The following PCLAF variants were observed in gnomAD, a reference collection of about 807,000 sequenced individuals.
PCLAF encodes PCNA clamp associated factor, also known as PCNA-associated factor.
Under a neutral mutation model 15.1 loss-of-function variants are expected in PCLAF, and 12 were observed. That is an observed-to-expected ratio of 0.79 (90% CI 0.51 to 1.29). PCLAF has a LOEUF of 1.29. Ranked by LOEUF, PCLAF falls within the 50% of genes most tolerant of loss-of-function variation. The pLI is 0.00. For missense variants in PCLAF, 116 were observed against 130.9 expected (o/e 0.89, Z 0.56); for synonymous variants, 33 against 47.1 (o/e 0.70, Z 1.22).
chr15:64,368,326 AC>A (rs1776864181), intron 3 of PCLAF, among the ~76,000 whole-genome samples: 1 of 152,184 alleles, frequency 6.6e-6, no homozygotes, highest in Non-Finnish European at 1.5e-5. Context: ...AGTAAAAAAA[AC>A]AAAAACAAAA....
At chr15:64,366,472 A>G (rs1899036866) in intron 3 of PCLAF, among the ~76,000 whole-genome samples, 1 of 152,250 alleles carries the variant, frequency 6.6e-6, no homozygotes, top group African/African-American at 2.4e-5. Context: ...TTAGCAGAGA[A>G]AACATATAGC....
chr15:64,371,556 G>A (rs143382111), intron 3 of PCLAF, among the ~76,000 whole-genome samples: 4 of 152,290 alleles, frequency 2.6e-5, no homozygotes, highest in Non-Finnish European at 4.4e-5. Flanking sequence ...ATGAGCCGCC[G>A]TGCCCAGCCC....
chr15:64,373,915 CA>C (rs773676536), intron 3 of PCLAF: 1 of 631,120 alleles, frequency 1.6e-6, no homozygotes, highest in Non-Finnish European at 2.3e-6. Context: ...TTATTAATTA[CA>C]AATCTATAAA....
intron 3 of PCLAF, among the ~76,000 whole-genome samples, chr15:64,367,278 T>C (rs1053465857): frequency 6.6e-6 from 1 of 151,408 alleles, no homozygotes; most frequent in East Asian, 2.0e-4. Flanking sequence ...CCGAGGCGGG[T>C]GGATCACCTG....
chr15:64,375,252 G>T (rs1899561487), intron 3 of PCLAF, among the ~76,000 whole-genome samples: 1 of 152,102 alleles, frequency 6.6e-6, no homozygotes, highest in African/African-American at 2.4e-5. Flanking sequence ...AGCCTCCCGA[G>T]TAGCTGAGAT....
At chr15:64,367,585 G>T (rs1484886280) in intron 3 of PCLAF, among the ~76,000 whole-genome samples, 1 of 151,564 alleles carries the variant, frequency 6.6e-6, no homozygotes, top group African/African-American at 2.4e-5. Context: ...GTCTCGCTCT[G>T]TCGCCAGGCT....
chr15:64,372,531 A>G (rs560183897), intron 3 of PCLAF, among the ~76,000 whole-genome samples: 1 of 152,266 alleles, frequency 6.6e-6, no homozygotes, highest in Admixed American at 6.5e-5. Flanking sequence ...GGAGAATGGC[A>G]TGAACCCAGG....
At chr15:64,376,956 T>G in intron 2 of PCLAF, 51 bp from the exon 3 acceptor site, 9 of 1,445,638 alleles carry the variant, frequency 6.2e-6, no homozygotes, top group Non-Finnish European at 8.6e-6. Context: ...ATACAATCTC[T>G]ATTCCTTAAA....
chr15:64,386,382 G>T (rs1260422498), upstream of PCLAF, among the ~76,000 whole-genome samples: 1 of 152,182 alleles, frequency 6.6e-6, no homozygotes, highest in Non-Finnish European at 1.5e-5. Context: ...GTGCAGTAGT[G>T]CAATCAGGGC....
rs1490370423 is a variant in PCLAF, at chr15:64,381,076, A to T, written c.47-38T>A. On this transcript the variant is annotated intron_variant, in intron 1 of 3. Coordinates refer to ENST00000300035, the MANE Select transcript of PCLAF (RefSeq NM_014736.6). ...GCAAAAAAGGGTGTTCAGAAGGGGC[A>T]GGAGGGTTCCGACACCGAGTCCTGG... The T allele has an allele frequency of 3.1e-6, 5 of 1,598,572 alleles. 1 individual carries two copies. The South Asian group carries it at 5.5e-5, about 18-fold the overall frequency.
intron 3 of PCLAF, chr15:64,373,896 G>T: frequency 1.3e-6 from 1 of 749,428 alleles, no homozygotes; most frequent in Non-Finnish European, 1.9e-6. Context: ...TGCTTAGAAA[G>T]CCTGGACCTT....
intron 3 of PCLAF, among the ~76,000 whole-genome samples, chr15:64,376,036 C>T (rs1211081296): frequency 6.6e-6 from 1 of 152,084 alleles, no homozygotes; most frequent in Admixed American, 6.6e-5. Flanking sequence ...ACCAGCCTGG[C>T]CAACAAGGCA....
intron 2 of PCLAF, among the ~76,000 whole-genome samples, chr15:64,378,593 T>A (rs1005120714): frequency 6.6e-6 from 1 of 152,142 alleles, no homozygotes; most frequent in African/African-American, 2.4e-5. Context: ...AAAGGAACCT[T>A]ACAGGAATGC....
chr15:64,377,442 A>C lies in PCLAF; in HGVS notation c.128-537T>G, dbSNP rs547472599. 3.6e-3 allele frequency among the ~76,000 whole-genome samples: 464 copies of C among 129,520 alleles called. 7 individuals carry two copies. Among genetic ancestry groups the C allele is most frequent in the Non-Finnish European group, 5.0e-3 (311 of 62,322 alleles). 85.0% of individuals were successfully genotyped at this position (129,520 alleles called of 152,430 possible). A position where few individuals can be genotyped will look rare whatever the true frequency, so the allele number is the denominator to read the frequency against. ...AGATTGCGCCGCCACTGCACACTCC[A>C]GTCTGGCAACAGAGCGAGACTCTGT... On this transcript the variant is annotated intron_variant, in intron 2 of 3. Transcript: ENST00000300035.
chr15:64,376,895 T>C lies in PCLAF; in HGVS notation c.138A>G (p.Lys46=), dbSNP rs775654036. 3 of 1,613,372 alleles carry C rather than the reference T, an allele frequency of 1.9e-6. No homozygotes were observed. The highest frequency in any genetic ancestry group is 2.5e-6 in the Non-Finnish European group (3 of 1,179,680). Residue 46 remains lysine, a synonymous_variant, in exon 3 of 4, where the codon AAA becomes AAG. Coordinates refer to ENST00000300035, the MANE Select transcript of PCLAF (RefSeq NM_014736.6). ...CGCAAACGGGGTTCCCTCCTGCATA[T>C]TTATTTTCAGCTGTAAAATATAAAC... The part of the protein sequence containing the change: ...TSVSSRKAEN[K]YAGGNPVCVR...
upstream of PCLAF, chr15:64,381,460 C>A: frequency 6.2e-7 from 1 of 1,612,026 alleles, no homozygotes; most frequent in Non-Finnish European, 8.5e-7. Flanking sequence ...ACTATCCCGC[C>A]ACAGTTTATA....
chr15:64,370,826 GTTGTTT>G (rs1899265142), intron 3 of PCLAF, among the ~76,000 whole-genome samples: 5 of 73,428 alleles, frequency 6.8e-5, no homozygotes, highest in Non-Finnish European at 1.2e-4. Flanking sequence ...GACTCATAAA[GTTGTTT>G]TTTTTTTTTT....
At chr15:64,381,507 A>C (rs1343690674), upstream of PCLAF, 6 of 1,559,848 alleles carry the variant, frequency 3.8e-6, no homozygotes, top group African/African-American at 8.1e-5. Context: ...GTCTCTCCCG[A>C]GCCACCGCTC....
intron 3 of PCLAF, among the ~76,000 whole-genome samples, chr15:64,366,349 A>G (rs1389575887): frequency 6.6e-6 from 1 of 152,220 alleles, no homozygotes; most frequent in Non-Finnish European, 1.5e-5. Flanking sequence ...TAAAAAAAGA[A>G]TCTATTTATA....
Sources: allele counts gnomAD v4.1 joint callset (sites outside exome capture counted in the v4.1 genomes callset), GRCh38; gene constraint gnomAD v4.1.1; transcripts MANE v1.5; gene names NCBI Gene and HGNC (gene_info 2026-07-23, HGNC 2026-07-21).